The following PTPRS variants were observed in gnomAD, a reference collection of about 807,000 sequenced individuals.
PTPRS encodes protein tyrosine phosphatase receptor type S.
In PTPRS, 63 loss-of-function variants were observed where a neutral mutation model predicts 215.3. That is an observed-to-expected ratio of 0.29 (90% CI 0.24 to 0.36). PTPRS has a LOEUF of 0.36. Among genes scored for constraint, PTPRS ranks in the 10% least tolerant of loss-of-function variants. The pLI, the probability that PTPRS is intolerant of heterozygous loss-of-function variation, is 1.00. For synonymous variants in PTPRS, 1,404 were observed against 1,191.4 expected, an observed-to-expected ratio of 1.18 and a Z score of -3.68; for missense variants, 2,258 against 2,825.8, an observed-to-expected ratio of 0.80 and a Z score of 4.56.
rs2040746819 is a variant in PTPRS, at chr19:5,210,259, G to A, written c.5487+210C>T. 6.6e-6 allele frequency among the ~76,000 whole-genome samples: 1 copy of A among 152,212 alleles called. No individual in the cohort carries two copies. The highest frequency in any genetic ancestry group is 1.5e-5 in the Non-Finnish European group (1 of 68,042). ...CCCCTGGGGCCATGTTCCCTAGTGA[G>A]TGGAGACACTGCAGGGTCAGCACAG... On this transcript the variant is annotated intron_variant, in intron 35 of 37. Transcript: ENST00000262963. This position sits in a 1 kb window ranked among gnomAD's most constrained non-coding sequence, Gnocchi z 4.5.
intron 28 of PTPRS, among the ~76,000 whole-genome samples, 164 bp from the exon 29 acceptor site, chr19:5,214,900 A>T (rs2041276845): frequency 1.3e-5 from 2 of 152,202 alleles, no homozygotes; most frequent in Admixed American, 1.3e-4. Context: ...CGCCATCACC[A>T]TTTGGGGCCA....
rs528468686 is a variant in PTPRS, at chr19:5,273,485, C to T, written c.336G>A (p.Ser112=). 60 of 1,614,212 alleles carry T rather than the reference C, an allele frequency of 3.7e-5. 1 individual carries two copies. The highest frequency in any genetic ancestry group is 1.2e-4 in the South Asian group (11 of 91,088). Residue 112 remains serine, a synonymous_variant, in exon 4 of 38, where the codon TCG becomes TCA. Transcript: ENST00000262963. ...TGGCATGGACTGTGATCTCCCCAAC[C>T]GAGTTCTGGGCCACACACTCGTACA... The part of the protein sequence containing the change: ...ENVYECVAQN[S]VGEITVHAKL...
chr19:5,262,617 T>C (rs1294834302), intron 6 of PTPRS, among the ~76,000 whole-genome samples: 7 of 152,084 alleles, frequency 4.6e-5, no homozygotes, highest in Non-Finnish European at 2.9e-5. Flanking sequence ...CGGGAGGAAA[T>C]GTTGTTAGGT....
chr19:5,265,290 C>T (rs954015422), intron 4 of PTPRS, 94 bp from the exon 5 acceptor site: 1 of 1,205,612 alleles, frequency 8.3e-7, no homozygotes, highest in Non-Finnish European at 1.2e-6. Context: ...GCCACGGGTC[C>T]AGCTCCTCCC....
chr19:5,250,473 C>T (rs1300433509), intron 9 of PTPRS, among the ~76,000 whole-genome samples: 12 of 152,204 alleles, frequency 7.9e-5, no homozygotes, highest in Non-Finnish European at 1.8e-4. Context: ...GGAGAGGCCC[C>T]GCGGGACCCC....
Position 5,223,234 on chromosome 19 carries a change from TC to T in PTPRS, c.2557del (p.Glu853SerfsTer69). On this transcript the variant is annotated frameshift_variant, in exon 18 of 38. Coordinates refer to ENST00000262963, the MANE Select transcript of PTPRS (RefSeq NM_002850.4). LOFTEE classifies it high-confidence loss of function. ...GTCCTCCGCGGTGCCAGCCGGGGGC[TC>T]CCAGCGTGCCAGCAGGCTGCCCTCG... The part of the protein sequence containing the change: ...TPEGSLLARW[E>X]PPAGTAEDQV... 1 of 1,490,110 alleles carries T rather than the reference TC, an allele frequency of 6.7e-7. No individual in the cohort carries two copies. Among genetic ancestry groups the T allele is most frequent in the Non-Finnish European group, 8.9e-7 (1 of 1,120,504 alleles). 92.3% of individuals were successfully genotyped at this position (1,490,110 alleles called of 1,614,324 possible).
At chr19:5,250,219 G>A (rs1487913341) in intron 9 of PTPRS, among the ~76,000 whole-genome samples, 1 of 152,198 alleles carries the variant, frequency 6.6e-6, no homozygotes, top group Non-Finnish European at 1.5e-5. Flanking sequence ...TGTGCTCTAG[G>A]AAGAGGGCTG....
intron 1 of PTPRS, among the ~76,000 whole-genome samples, chr19:5,307,508 T>C (rs2049537253): frequency 6.6e-6 from 1 of 152,080 alleles, no homozygotes; most frequent in African/African-American, 2.4e-5. Flanking sequence ...GATACTATAT[T>C]TTTAAGTGGG....
At chr19:5,282,432 C>T (rs988193802) in intron 2 of PTPRS, among the ~76,000 whole-genome samples, 4 of 152,148 alleles carry the variant, frequency 2.6e-5, no homozygotes, top group Non-Finnish European at 4.4e-5. Flanking sequence ...GGGCGCCGCG[C>T]CTGCAGCTCG....
chr19:5,339,195 G>T lies in PTPRS; in HGVS notation c.-95+1469C>A, dbSNP rs1169519082. Reference sequence around the variant, plus strand: ...AGGGGGCTCCCCTAGATTGTGACGGGGGGGGACAGGGGAATCCCAGCTGAG... The same window carrying T: ...AGGGGGCTCCCCTAGATTGTGACGGTGGGGGACAGGGGAATCCCAGCTGAG... On this transcript the variant is annotated intron_variant, in intron 1 of 37. Transcript: ENST00000262963. This position sits in a 1 kb window ranked among gnomAD's most constrained non-coding sequence, Gnocchi z 4.2. Among the ~76,000 whole-genome samples, 2 of 152,118 alleles carry T rather than the reference G, an allele frequency of 1.3e-5. No homozygotes were observed. The highest frequency in any genetic ancestry group is 6.5e-5 in the Admixed American group (1 of 15,276).
chr19:5,272,686 A>C (rs1008959988), intron 4 of PTPRS, among the ~76,000 whole-genome samples: 4 of 146,954 alleles, frequency 2.7e-5, no homozygotes, highest in African/African-American at 1.0e-4. Flanking sequence ...GCCCGTGTGA[A>C]TGTCTGGGGA....
intron 22 of PTPRS, 97 bp downstream of exon 22, chr19:5,219,842 T>G: frequency 7.4e-7 from 1 of 1,349,682 alleles, no homozygotes; most frequent in Non-Finnish European, 1.0e-6. Context: ...CACAGGGAGC[T>G]GCCTGTGACT....
chr19:5,242,050 G>A (rs969543421), intron 11 of PTPRS, among the ~76,000 whole-genome samples: 3 of 152,094 alleles, frequency 2.0e-5, no homozygotes, highest in Admixed American at 1.3e-4. Flanking sequence ...TGGCCAGGCT[G>A]GTCTTGAACT....
intron 16 of PTPRS, among the ~76,000 whole-genome samples, chr19:5,227,540 G>A (rs1194225165): frequency 1.3e-5 from 2 of 151,736 alleles, no homozygotes; most frequent in African/African-American, 2.4e-5. Context: ...TCAGCCTCCC[G>A]AGTAGCTAGG....
intron 1 of PTPRS, among the ~76,000 whole-genome samples, chr19:5,310,528 G>A (rs1002388642): frequency 2.0e-5 from 3 of 151,914 alleles, no homozygotes; most frequent in Non-Finnish European, 4.4e-5. Context: ...ATGTTGGCCA[G>A]GCTGGTTTCA....
intron 1 of PTPRS, among the ~76,000 whole-genome samples, chr19:5,289,571 G>A (rs2048641715): frequency 6.6e-6 from 1 of 152,022 alleles, no homozygotes. Context: ...TCCCCTCCGT[G>A]CCCTCCCCTC....
chr19:5,316,337 G>A (rs949804610), intron 1 of PTPRS, among the ~76,000 whole-genome samples: 1 of 152,202 alleles, frequency 6.6e-6, no homozygotes, highest in Non-Finnish European at 1.5e-5. Context: ...TGTGTCCCGA[G>A]TCCAGCTCTC....
chr19:5,322,879 C>CAAAAAAA (rs60988670), intron 1 of PTPRS, among the ~76,000 whole-genome samples: 1 of 65,906 alleles, frequency 1.5e-5, no homozygotes, highest in African/African-American at 5.1e-5. Context: ...AACTCCGTCT[C>CAAAAAAA]AAAAAAAAAA....
chr19:5,336,692 C>T (rs995862049), intron 1 of PTPRS, among the ~76,000 whole-genome samples: 2 of 152,002 alleles, frequency 1.3e-5, no homozygotes, highest in Non-Finnish European at 2.9e-5. Flanking sequence ...TATCAGCTTG[C>T]CACACGAATC....
Sources: gnomAD v4.1 joint callset for allele counts (sites outside exome capture counted in the v4.1 genomes callset) on GRCh38, gnomAD v4.1.1 for gene constraint, Gnocchi (gnomAD v3.1) non-coding constraint, MANE v1.5 for transcripts, NCBI Gene and HGNC (gene_info 2026-07-23, HGNC 2026-07-21) for gene names.